LTBP1: variants seen among roughly 807,000 people sequenced by gnomAD.
LTBP1 encodes the protein latent-transforming growth factor beta-binding protein 1.
In LTBP1, 129 loss-of-function variants were observed where a neutral mutation model predicts 207.6. The observed-to-expected ratio is 0.62, with a 90% CI of 0.54 to 0.72. LTBP1 has a LOEUF of 0.72. LTBP1 is among the 30% of genes least tolerant of loss of function. The pLI is 0.00. For missense variants in LTBP1, 2,281 were observed against 2,217.2 expected (o/e 1.03, Z -0.58); for synonymous variants, 963 against 833.7 (o/e 1.16, Z -2.67).
At chr2:33,091,020 C>G (rs184744030) in intron 3 of LTBP1, among the ~76,000 whole-genome samples, 123 of 152,322 alleles carry the variant, frequency 8.1e-4, no homozygotes, top group Non-Finnish European at 1.5e-3. Flanking sequence ...CTTCATGCCC[C>G]ATGCTGCTCT....
chr2:33,299,255 AAG>A (rs2093939773), intron 20 of LTBP1, among the ~76,000 whole-genome samples: 1 of 152,066 alleles, frequency 6.6e-6, no homozygotes, highest in Admixed American at 6.6e-5. Context: ...AAAAAAAAAA[AAG>A]AAGTTTGGCT....
chr2:33,140,294 A>G (rs112279780), intron 5 of LTBP1, among the ~76,000 whole-genome samples: 55 of 152,008 alleles, frequency 3.6e-4, no homozygotes, highest in African/African-American at 1.3e-3. Flanking sequence ...AGGGGCAAGC[A>G]TATGGAGTTT....
At chr2:33,219,030 A>G (rs75093801) in intron 8 of LTBP1, among the ~76,000 whole-genome samples, 4,615 of 152,276 alleles carry the variant, frequency 0.03, 243 homozygotes, top group African/African-American at 0.11. Flanking sequence ...CAGTATAACA[A>G]TTCATTTTAA....
At chr2:33,018,282 G>C (rs970316272) in intron 2 of LTBP1, among the ~76,000 whole-genome samples, 1 of 151,628 alleles carries the variant, frequency 6.6e-6, no homozygotes, top group Non-Finnish European at 1.5e-5. Flanking sequence ...GCTCATTCTT[G>C]GTGGTACATT....
At chr2:33,306,568 T>TC (rs2094099149) in intron 22 of LTBP1, among the ~76,000 whole-genome samples, 1 of 150,682 alleles carries the variant, frequency 6.6e-6, no homozygotes, top group Non-Finnish European at 1.5e-5. Flanking sequence ...AAACTCAGTC[T>TC]CAAAAAAAAA....
At chr2:33,376,558 G>A (rs1273436406) in intron 31 of LTBP1, among the ~76,000 whole-genome samples, 1 of 152,224 alleles carries the variant, frequency 6.6e-6, no homozygotes, top group Non-Finnish European at 1.5e-5. Flanking sequence ...ATAGGATGCG[G>A]AGCACCTTCT....
intron 5 of LTBP1, among the ~76,000 whole-genome samples, chr2:33,185,036 G>A (rs903164541): frequency 1.3e-5 from 2 of 152,186 alleles, no homozygotes; most frequent in African/African-American, 4.8e-5. Context: ...GGCAGAGTCT[G>A]AAAGATATGT....
At chr2:33,232,773 C>A (rs12618894) in intron 9 of LTBP1, among the ~76,000 whole-genome samples, 35,839 of 152,032 alleles carry the variant, frequency 0.24, 5,142 homozygotes, top group Admixed American at 0.32. Flanking sequence ...TATTCTTTAA[C>A]AGATCCTTTA....
Position 33,397,281 on chromosome 2 carries a change from C to T in LTBP1, c.4983C>T (p.Val1661=), listed in dbSNP as rs749301089. The change falls in exon 33 of 34, where the codon GTC becomes GTT. Residue 1661 remains valine, a splice_region_variant and synonymous_variant. Transcript: ENST00000404816. ...YHLDTAKMTC[V]DVNECDELNN... is the part of the protein sequence containing the mutation. ...TGGATACGGCCAAGATGACCTGTGT[C>T]GGTAAGAATGACGTGTGTTTTATGG... 9 of 1,613,920 alleles carry T rather than the reference C, an allele frequency of 5.6e-6. No homozygotes were observed. Among genetic ancestry groups the T allele is most frequent in the South Asian group, 3.3e-5 (3 of 91,056 alleles).
At chr2:33,239,037 C>A (rs1192955715) in intron 9 of LTBP1, among the ~76,000 whole-genome samples, 1 of 152,166 alleles carries the variant, frequency 6.6e-6, no homozygotes, top group Admixed American at 6.6e-5. Context: ...TTAGTTTGAA[C>A]CATAGGACAT....
intron 26 of LTBP1, among the ~76,000 whole-genome samples, chr2:33,355,321 C>G (rs905966156): frequency 8.6e-5 from 13 of 151,974 alleles, no homozygotes; most frequent in Non-Finnish European, 1.8e-4. Context: ...TTCCAGGGCC[C>G]CCACTGATAC....
chr2:32,983,632 C>A (rs186347654), intron 2 of LTBP1, among the ~76,000 whole-genome samples: 1 of 152,268 alleles, frequency 6.6e-6, no homozygotes, highest in Non-Finnish European at 1.5e-5. Flanking sequence ...ATCACAGGGG[C>A]AGGATTTTCC....
chr2:33,355,142 G>A (rs186409390), intron 26 of LTBP1, among the ~76,000 whole-genome samples: 1 of 152,116 alleles, frequency 6.6e-6, no homozygotes, highest in Admixed American at 6.5e-5. Context: ...TATCCTCGCA[G>A]GCCCTCATGA....
intron 10 of LTBP1, among the ~76,000 whole-genome samples, chr2:33,247,699 A>G (rs1387749475): frequency 6.6e-6 from 1 of 152,236 alleles, no homozygotes; most frequent in Non-Finnish European, 1.5e-5. Context: ...AATATTCTCT[A>G]TCTGTGCCAC....
chr2:33,246,940 T>C (rs1316118006), intron 10 of LTBP1, among the ~76,000 whole-genome samples: 1 of 152,132 alleles, frequency 6.6e-6, no homozygotes, highest in East Asian at 1.9e-4. Context: ...TGGGGAAAGG[T>C]GGAAATTCGA....
chr2:33,004,811 AT>A (rs869215217), intron 2 of LTBP1, among the ~76,000 whole-genome samples: 1,655 of 145,792 alleles, frequency 0.011, 35 homozygotes, highest in Non-Finnish European at 0.019. Context: ...ATATATATAT[AT>A]ATAAACATAA....
chr2:33,166,067 G>GTTTTTT (rs143905437), intron 5 of LTBP1, among the ~76,000 whole-genome samples: 1 of 140,844 alleles, frequency 7.1e-6, no homozygotes. Context: ...AGTAATGTAT[G>GTTTTTT]TTTTTTTTTT....
intron 31 of LTBP1, among the ~76,000 whole-genome samples, chr2:33,380,747 T>C (rs1301996734): frequency 1.3e-5 from 2 of 152,194 alleles, no homozygotes; most frequent in Non-Finnish European, 2.9e-5. Flanking sequence ...TTTTAAAAAT[T>C]GCAGTGAACT....
rs532700726 is a variant in LTBP1, at chr2:33,285,384, C to T, written c.3112+5226C>T. 4.6e-5 allele frequency among the ~76,000 whole-genome samples: 7 copies of T among 151,620 alleles called. 1 individual carries two copies. In the South Asian group the frequency reaches 1.5e-3, roughly 32 times the overall value. On this transcript the variant is annotated intron_variant, in intron 19 of 33. Coordinates refer to ENST00000404816, the MANE Select transcript of LTBP1 (RefSeq NM_206943.4). Reference sequence around the variant, plus strand: ...CTATATTCTCTTTGGCTTTTTGAAGCTCATGTCATATAGTTTTTTAATTCT... The same window carrying T: ...CTATATTCTCTTTGGCTTTTTGAAGTTCATGTCATATAGTTTTTTAATTCT...
Sources: allele counts gnomAD v4.1 joint callset (sites outside exome capture counted in the v4.1 genomes callset), GRCh38; gene constraint gnomAD v4.1.1; transcripts MANE v1.5; gene names NCBI Gene and HGNC (gene_info 2026-07-23, HGNC 2026-07-21).